CACHD1: variants seen among roughly 807,000 people sequenced by gnomAD.
CACHD1 encodes the protein cache domain containing 1.
A neutral mutation model predicts 138.7 loss-of-function variants in CACHD1; 71 were observed. The observed-to-expected ratio is 0.51, with a 90% CI of 0.42 to 0.62. The LOEUF is 0.62. Among genes scored for constraint, CACHD1 ranks in the 20% least tolerant of loss-of-function variants. The pLI is 0.00. For synonymous variants in CACHD1, 578 were observed against 591.5 expected, an observed-to-expected ratio of 0.98 and a Z score of 0.33; for missense variants, 1,389 against 1,625.3, an observed-to-expected ratio of 0.85 and a Z score of 2.50.
At chr1:64,539,247 C>T (rs920629927) in intron 1 of CACHD1, among the ~76,000 whole-genome samples, 1 of 152,176 alleles carries the variant, frequency 6.6e-6, no homozygotes, top group African/African-American at 2.4e-5. Context: ...TATAAACATT[C>T]TTAAAGCACC....
Position 64,681,541 on chromosome 1 carries a change from G to GGTTTTTTTTTTTTTTTTTTT in CACHD1, c.3484+206_3484+207insGTTTTTTTTTTTTTTTTTTT, listed in dbSNP as rs1553146851. ...AGAGAATCTCAAAAGATTTTATTGT[G>GGTTTTTTTTTTTTTTTTTTT]TTTTTTTTTTTTTTTTTTTTTTTGC... On this transcript the variant is annotated intron_variant, in intron 25 of 26. Coordinates refer to ENST00000651257, the MANE Select transcript of CACHD1 (RefSeq NM_020925.4). Among the ~76,000 whole-genome samples, 43 of 68,146 alleles carry GGTTTTTTTTTTTTTTTTTTT rather than the reference G, an allele frequency of 6.3e-4. 5 individuals carry two copies. The highest frequency in any genetic ancestry group is 2.6e-3 in the African/African-American group (35 of 13,660). The allele number at this position is 68,146 out of a possible 152,430, so 44.7% of individuals were successfully genotyped here.
rs373663142 is a variant in CACHD1, at chr1:64,634,208, A to G, written c.954A>G (p.Gln318=). Residue 318 remains glutamine (Q), a synonymous_variant, in exon 7 of 27, where the codon CAA becomes CAG. Coordinates refer to ENST00000651257, the MANE Select transcript of CACHD1 (RefSeq NM_020925.4). ...CTACCCAGCACGCAGTGGGATTCCA[A>G]AAGGCATTTCAGCTGATTCGAAGTA... ...DSPTQHAVGF[Q]KAFQLIRSTN... is the part of the protein sequence containing the mutation. The G allele has an allele frequency of 8.1e-6, 13 of 1,613,960 alleles. No homozygotes were observed. The highest frequency in any genetic ancestry group is 1.0e-5 in the Non-Finnish European group (12 of 1,179,966).
intron 2 of CACHD1, among the ~76,000 whole-genome samples, chr1:64,572,728 C>T (rs1202230746): frequency 6.6e-6 from 1 of 152,130 alleles, no homozygotes; most frequent in Non-Finnish European, 1.5e-5. Flanking sequence ...GCACAGGGGC[C>T]CCACCTCTCG....
intron 22 of CACHD1, 81 bp from the exon 23 acceptor site, chr1:64,678,078 G>T: frequency 7.0e-7 from 1 of 1,432,802 alleles, no homozygotes; most frequent in Non-Finnish European, 9.4e-7. Flanking sequence ...GAGATCCTGA[G>T]AACTGTCTGA....
In CACHD1 at chr1:64,539,320, A is replaced by G. The variant is rs74080411; in HGVS notation, c.199-11274A>G. ...AACGGCTATTTATTTCTTGGCAAAT[A>G]TACATTTATTCATTTACCCATTCAA... On this transcript the variant is annotated intron_variant, in intron 1 of 26. Transcript: ENST00000651257. 9.8e-3 allele frequency among the ~76,000 whole-genome samples: 1,489 copies of G among 152,330 alleles called. 27 individuals carry two copies. The highest frequency in any genetic ancestry group is 0.034 in the African/African-American group (1,419 of 41,578).
intron 13 of CACHD1, among the ~76,000 whole-genome samples, chr1:64,659,981 T>C (rs1649389400): frequency 6.6e-6 from 1 of 152,226 alleles, no homozygotes; most frequent in Non-Finnish European, 1.5e-5. Context: ...AAGTGGTCTC[T>C]TCTGGGATAC....
In CACHD1 at chr1:64,502,117, A is replaced by T. The variant is rs1028432381; in HGVS notation, c.198+31175A>T. 4.6e-5 allele frequency among the ~76,000 whole-genome samples: 7 copies of T among 152,346 alleles called. No homozygotes were observed. The South Asian group carries it at 6.2e-4, about 14-fold the overall frequency. ...TTTTAAAGGCTAAGGAAAAGAAGCA[A>T]CAGAGATTTTTCCTTGTTTTGAATA... On this transcript the variant is annotated intron_variant, in intron 1 of 26. Transcript: ENST00000651257.
intron 14 of CACHD1, chr1:64,664,183 A>G (rs563536978): frequency 2.2e-6 from 1 of 452,626 alleles, no homozygotes; most frequent in Non-Finnish European, 3.9e-6. Context: ...AAATATAAGT[A>G]TAAAGTTTAA....
At chr1:64,579,678 T>A (rs929773691) in intron 2 of CACHD1, among the ~76,000 whole-genome samples, 1 of 152,068 alleles carries the variant, frequency 6.6e-6, no homozygotes, top group Non-Finnish European at 1.5e-5. Context: ...AATAAGTATG[T>A]TTTAAAAGAG....
intron 9 of CACHD1, among the ~76,000 whole-genome samples, chr1:64,648,761 G>A (rs1648992832): frequency 6.6e-6 from 1 of 152,060 alleles, no homozygotes; most frequent in Non-Finnish European, 1.5e-5. Flanking sequence ...AACCTTCACA[G>A]GATTCAATTT....
At chr1:64,518,443 T>G (rs1005132768) in intron 1 of CACHD1, among the ~76,000 whole-genome samples, 2 of 152,216 alleles carry the variant, frequency 1.3e-5, no homozygotes, top group African/African-American at 4.8e-5. Context: ...GGTCTTCCAT[T>G]ATCTCATTTA....
chr1:64,681,363 ATG>A (rs1468815385), intron 25 of CACHD1, 28 bp downstream of exon 25: 1 of 1,555,234 alleles, frequency 6.4e-7, no homozygotes, highest in Admixed American at 1.7e-5. Context: ...TTGCTGCAGA[ATG>A]TGTCAGCAGG....
chr1:64,489,600 T>C (rs745997947), intron 1 of CACHD1, among the ~76,000 whole-genome samples: 1 of 152,196 alleles, frequency 6.6e-6, no homozygotes, highest in Non-Finnish European at 1.5e-5. Context: ...CTTCTGAACC[T>C]CAGGTTTCTT....
intron 1 of CACHD1, among the ~76,000 whole-genome samples, chr1:64,512,091 G>C (rs1646424950): frequency 6.6e-6 from 1 of 152,108 alleles, no homozygotes; most frequent in Admixed American, 6.6e-5. Flanking sequence ...CCTGCCTGAT[G>C]GTCACAGAAA....
chr1:64,685,670 T>C (rs750458496), intron 26 of CACHD1, among the ~76,000 whole-genome samples: 15 of 151,968 alleles, frequency 9.9e-5, no homozygotes, highest in Non-Finnish European at 2.1e-4. Context: ...TGAGACCCTG[T>C]CTCTACAAAA....
At chr1:64,605,655 C>T (rs1349688273) in intron 4 of CACHD1, among the ~76,000 whole-genome samples, 2 of 152,122 alleles carry the variant, frequency 1.3e-5, no homozygotes, top group East Asian at 3.9e-4. Flanking sequence ...GGGGGGTGTG[C>T]TCACTTGGGG....
intron 1 of CACHD1, among the ~76,000 whole-genome samples, chr1:64,505,433 G>A (rs761271840): frequency 6.6e-6 from 1 of 152,116 alleles, no homozygotes; most frequent in Non-Finnish European, 1.5e-5. Flanking sequence ...TGGAGGCTGC[G>A]GGCTTTCCTG....
intron 1 of CACHD1, among the ~76,000 whole-genome samples, chr1:64,545,995 A>G (rs1646715313): frequency 6.6e-6 from 1 of 152,196 alleles, no homozygotes; most frequent in Admixed American, 6.5e-5. Context: ...TATATAATAA[A>G]ATATATTTTT....
chr1:64,678,797 C>T (rs1650077679), intron 23 of CACHD1, among the ~76,000 whole-genome samples: 1 of 152,116 alleles, frequency 6.6e-6, no homozygotes, highest in Admixed American at 6.5e-5. Context: ...GGATGAAGCA[C>T]AAGGACACCA....
Sources: gnomAD v4.1 joint callset for allele counts (sites outside exome capture counted in the v4.1 genomes callset) on GRCh38, gnomAD v4.1.1 for gene constraint, MANE v1.5 for transcripts, NCBI Gene and HGNC (gene_info 2026-07-23, HGNC 2026-07-21) for gene names.